The following ITPR2 variants were observed in gnomAD, a reference collection of about 807,000 sequenced individuals.
The protein encoded by ITPR2 is inositol 1,4,5-trisphosphate receptor type 2.
A neutral mutation model predicts 317.1 loss-of-function variants in ITPR2; 207 were observed. The observed-to-expected ratio is 0.65, with a 90% confidence interval of 0.58 to 0.73. The LOEUF (loss-of-function observed/expected upper bound fraction) is 0.73. Ranked by LOEUF, ITPR2 falls within the 30% of genes least tolerant of loss-of-function variation. The pLI, the probability that ITPR2 is intolerant of heterozygous loss-of-function variation, is 0.00. For synonymous variants in ITPR2, 1,156 were observed against 1,149.1 expected (o/e 1.01, Z -0.12); for missense variants, 2,613 against 3,284.0 (o/e 0.80, Z 4.99).
chr12:26,622,639 A>G lies in ITPR2; in HGVS notation c.3123-234T>C, dbSNP rs534115934. ...GATCAAACATCCCGGTTTATCCAAG[A>G]CTCAGGGGTTCCTAGGGAAACTGGG... On this transcript the variant is annotated intron_variant, in intron 24 of 56. Transcript: ENST00000381340. Among the ~76,000 whole-genome samples the G allele has an allele frequency of 2.0e-5, 3 of 152,274 alleles. No individual in the cohort carries two copies. The East Asian group carries it at 5.8e-4, about 29-fold the overall frequency.
chr12:26,518,861 G>GA (rs1003759367), intron 37 of ITPR2, among the ~76,000 whole-genome samples: 11 of 151,800 alleles, frequency 7.2e-5, no homozygotes, highest in African/African-American at 2.4e-4. Flanking sequence ...TAAAGAAACA[G>GA]AAAAAAATTA....
rs1202014617 is a variant in ITPR2, at chr12:26,338,665, T to C, written c.*732A>G. On this transcript the variant is annotated 3_prime_UTR_variant, in exon 57 of 57. Transcript: ENST00000381340. ...CAGATCTTCTTAAAATCTTAGCCTATACATGACTTAGAACATGTTTTTAAC... is the reference window on the plus strand; with the variant it reads ...CAGATCTTCTTAAAATCTTAGCCTACACATGACTTAGAACATGTTTTTAAC... The C allele has an allele frequency of 3.3e-5, 5 of 152,242 alleles. No individual in the cohort carries two copies. The highest frequency in any genetic ancestry group is 7.3e-5 in the Non-Finnish European group (5 of 68,038). 9.4% of individuals were successfully genotyped at this position (152,242 alleles called of 1,614,324 possible).
At chr12:26,558,613 A>C (rs191230373) in intron 35 of ITPR2, among the ~76,000 whole-genome samples, 10 of 152,260 alleles carry the variant, frequency 6.6e-5, no homozygotes, top group Non-Finnish European at 7.4e-5. Flanking sequence ...CTATGACATC[A>C]CACTTTATTT....
chr12:26,512,122 C>T lies in ITPR2; in HGVS notation c.5074-16862G>A, dbSNP rs1943364717. On this transcript the variant is annotated intron_variant, in intron 37 of 56. Coordinates refer to ENST00000381340, the MANE Select transcript of ITPR2 (RefSeq NM_002223.4). ...TGACTAAGCCAACGGGAAAATCAAG[C>T]TGGGAACTGTGTCAGGCAAACCTGC... 2.0e-5 allele frequency among the ~76,000 whole-genome samples: 3 copies of T among 151,206 alleles called. No homozygotes were observed. The South Asian group carries it at 6.3e-4, about 32-fold the overall frequency.
intron 34 of ITPR2, among the ~76,000 whole-genome samples, chr12:26,565,540 A>T (rs1003981486): frequency 1.3e-5 from 2 of 151,960 alleles, no homozygotes; most frequent in African/African-American, 2.4e-5. Context: ...ACAGACAGAC[A>T]GATAGATAGA....
At chr12:26,424,053 G>A (rs16930614) in intron 49 of ITPR2, among the ~76,000 whole-genome samples, 19,453 of 151,968 alleles carry the variant, frequency 0.13, 1,926 homozygotes, top group East Asian at 0.37. Flanking sequence ...GAAAAACAGA[G>A]TCCAGAAACA....
chr12:26,411,106 A>G (rs1259601665), intron 52 of ITPR2: 2 of 500,702 alleles, frequency 4.0e-6, no homozygotes, highest in African/African-American at 3.9e-5. Flanking sequence ...AATCCTCCTG[A>G]ATAGAAACAA....
At chr12:26,547,889 C>T (rs1283031518) in intron 37 of ITPR2, among the ~76,000 whole-genome samples, 2 of 152,164 alleles carry the variant, frequency 1.3e-5, no homozygotes, top group Non-Finnish European at 1.5e-5. Context: ...ACCTGCTAGA[C>T]AAAGTATACT....
intron 26 of ITPR2, among the ~76,000 whole-genome samples, chr12:26,611,415 A>G (rs1946263585): frequency 6.6e-6 from 1 of 152,190 alleles, no homozygotes. Flanking sequence ...AGAACCAATT[A>G]AATAACCTGA....
intron 32 of ITPR2, among the ~76,000 whole-genome samples, chr12:26,580,740 G>C (rs961189564): frequency 2.6e-5 from 4 of 152,180 alleles, no homozygotes; most frequent in African/African-American, 9.6e-5. Context: ...ATTCTTCTCA[G>C]AGTGGTCTCA....
At chr12:26,556,806 C>T (rs1167499330) in intron 35 of ITPR2, among the ~76,000 whole-genome samples, 4 of 148,064 alleles carry the variant, frequency 2.7e-5, no homozygotes, top group Non-Finnish European at 4.5e-5. Flanking sequence ...CAGCCAGGTG[C>T]GGTGCCTCAC....
chr12:26,345,622 C>G (rs1432879422), intron 55 of ITPR2, among the ~76,000 whole-genome samples: 1 of 152,174 alleles, frequency 6.6e-6, no homozygotes. Flanking sequence ...TGAAAATTAA[C>G]TCCAATATAG....
chr12:26,441,806 A>G (rs1941493933), intron 46 of ITPR2, among the ~76,000 whole-genome samples: 1 of 152,140 alleles, frequency 6.6e-6, no homozygotes, highest in Non-Finnish European at 1.5e-5. Context: ...ACTTCTGCTC[A>G]TTTATTCAAA....
intron 11 of ITPR2, among the ~76,000 whole-genome samples, chr12:26,683,460 A>G (rs1476939826): frequency 2.6e-5 from 4 of 152,228 alleles, no homozygotes. Flanking sequence ...AAGCACAAGA[A>G]GGTTGTGATG....
At chr12:26,438,806 C>T (rs968171590) in intron 47 of ITPR2, among the ~76,000 whole-genome samples, 2 of 152,204 alleles carry the variant, frequency 1.3e-5, no homozygotes, top group African/African-American at 4.8e-5. Flanking sequence ...AGTCAGGGCC[C>T]ATTCACGGAC....
At position 26,656,339 on chromosome 12, in the gene ITPR2, G is replaced by A. The variant is rs1565669977; in HGVS notation, c.2402C>T (p.Ala801Val). 2 of 1,614,132 alleles carry A rather than the reference G, an allele frequency of 1.2e-6. No individual in the cohort carries two copies. Among genetic ancestry groups the A allele is most frequent in the Non-Finnish European group, 1.7e-6 (2 of 1,180,016 alleles). ...TGTGGGGATTTCTGTCCAGAGCCTGGCATAGCGAACAGGCACCACGGACTC... is the reference window on the plus strand; with the variant it reads ...TGTGGGGATTTCTGTCCAGAGCCTGACATAGCGAACAGGCACCACGGACTC... ...PQESVVPVRYARLWTEIPTKI... is the reference protein window; with the variant it reads ...PQESVVPVRYVRLWTEIPTKI... The change falls in exon 19 of 57, where the codon GCC (alanine) becomes GTC (valine). Residue 801 changes from alanine to valine, a missense_variant. By Grantham distance (64) the Ala-to-Val change is moderately conservative. This residue lies in a region of ITPR2 where 817 missense variants were observed against 897.6 expected (regional missense o/e 0.91). Coordinates refer to ENST00000381340, the MANE Select transcript of ITPR2 (RefSeq NM_002223.4).
chr12:26,693,041 T>C (rs1157540189), intron 10 of ITPR2, among the ~76,000 whole-genome samples: 1 of 152,236 alleles, frequency 6.6e-6, no homozygotes, highest in East Asian at 1.9e-4. Context: ...GGAAGCCATA[T>C]TGTTAGCTTT....
intron 37 of ITPR2, among the ~76,000 whole-genome samples, chr12:26,537,821 G>A (rs991314009): frequency 4.6e-5 from 7 of 152,134 alleles, no homozygotes; most frequent in East Asian, 3.8e-4. Context: ...CAACTTCACC[G>A]AGCAATCTGC....
chr12:26,689,400 A>G (rs1052571265), intron 10 of ITPR2, among the ~76,000 whole-genome samples: 1 of 152,032 alleles, frequency 6.6e-6, no homozygotes, highest in African/African-American at 2.4e-5. Flanking sequence ...TGGGTGACAG[A>G]GCAAAACTGT....
Sources: gnomAD v4.1 joint callset for allele counts (sites outside exome capture counted in the v4.1 genomes callset) on GRCh38, gnomAD v4.1.1 for gene constraint, gnomAD v4.1.1 regional missense constraint, MANE v1.5 for transcripts, NCBI Gene and HGNC (gene_info 2026-07-23, HGNC 2026-07-21) for gene names.